Variants in HEMK2 observed in about 807,000 individuals in gnomAD.
HEMK2 encodes HemK methyltransferase 2, ETF1 glutamine and histone H4 lysine, also known as methyltransferase HEMK2.
At chr21:28,761,870 A>G in the HEMK2 span, among the ~76,000 whole-genome samples, 1 of 152,104 alleles carries the variant, frequency 6.6e-6, no homozygotes, top group African/African-American at 2.4e-5. Context: ...AGCAAATTGA[A>G]AAGACGAAGA....
chr21:28,684,402 C>T, the HEMK2 span, among the ~76,000 whole-genome samples: 1 of 152,196 alleles, frequency 6.6e-6, no homozygotes, highest in Non-Finnish European at 1.5e-5. Context: ...GAAAAACAAA[C>T]TTCATTAGTA....
the HEMK2 span, among the ~76,000 whole-genome samples, chr21:28,696,384 C>T: frequency 0.33 from 50,420 of 151,898 alleles, 9,579 homozygotes; most frequent in African/African-American, 0.51. Context: ...TTCAACAGGG[C>T]AGTCTTTAAA....
chr21:28,763,338 G>T, the HEMK2 span, among the ~76,000 whole-genome samples: 3 of 152,274 alleles, frequency 2.0e-5, 1 homozygote, highest in African/African-American at 7.2e-5. Flanking sequence ...TTTTACTTAT[G>T]ATGGAAGCTG....
chr21:28,834,879 TACTTCCTAG>T, the HEMK2 span, among the ~76,000 whole-genome samples: 1 of 152,072 alleles, frequency 6.6e-6, no homozygotes, highest in Non-Finnish European at 1.5e-5. Context: ...GGCTTTCCCC[TACTTCCTAG>T]ACAACCTGCA....
the HEMK2 span, among the ~76,000 whole-genome samples, chr21:28,681,260 GACAA>G: frequency 3.9e-5 from 6 of 152,258 alleles, no homozygotes; most frequent in Admixed American, 2.6e-4. Flanking sequence ...ACCAATAAGA[GACAA>G]ACAGAGAACC....
the HEMK2 span, among the ~76,000 whole-genome samples, chr21:28,841,217 TA>T: frequency 3.2e-3 from 46 of 14,346 alleles, 1 homozygote; most frequent in African/African-American, 0.014. Flanking sequence ...ATATATTATA[TA>T]TATTATATAT....
the HEMK2 span, among the ~76,000 whole-genome samples, chr21:28,879,096 TTTTTTA>T: frequency 1.8e-4 from 9 of 51,080 alleles, no homozygotes; most frequent in African/African-American, 4.2e-4. Context: ...TTTTTTTTTT[TTTTTTA>T]GAGACAGGGT....
At chr21:28,764,824 T>C in the HEMK2 span, among the ~76,000 whole-genome samples, 1 of 152,170 alleles carries the variant, frequency 6.6e-6, no homozygotes, top group Non-Finnish European at 1.5e-5. Flanking sequence ...AAATCATAAA[T>C]GTATAATGAC....
the HEMK2 span, among the ~76,000 whole-genome samples, chr21:28,738,095 A>C: frequency 4.6e-5 from 7 of 152,126 alleles, no homozygotes; most frequent in Non-Finnish European, 8.8e-5. Context: ...AATAGCAACA[A>C]TTTGCCGACA....
chr21:28,683,873 T>C, the HEMK2 span, among the ~76,000 whole-genome samples: 1 of 152,220 alleles, frequency 6.6e-6, no homozygotes, highest in African/African-American at 2.4e-5. Flanking sequence ...CTAACTTTCA[T>C]AATCACTAAC....
chr21:28,656,200 A>G, the HEMK2 span, among the ~76,000 whole-genome samples: 4 of 152,110 alleles, frequency 2.6e-5, no homozygotes, highest in Non-Finnish European at 5.9e-5. Context: ...TTATCTCTAG[A>G]AAGTTCAAGA....
chr21:28,692,190 A>G, the HEMK2 span, among the ~76,000 whole-genome samples: 2 of 152,174 alleles, frequency 1.3e-5, no homozygotes, highest in Non-Finnish European at 2.9e-5. Flanking sequence ...GCAACCCTGG[A>G]CATTCTATGA....
At chr21:28,720,401 GTAT>G in the HEMK2 span, among the ~76,000 whole-genome samples, 1,057 of 152,272 alleles carry the variant, frequency 6.9e-3, 11 homozygotes, top group African/African-American at 0.024. Flanking sequence ...TGGTCCTGGA[GTAT>G]GAATAGGACC....
the HEMK2 span, among the ~76,000 whole-genome samples, chr21:28,696,435 G>A: frequency 2.4e-4 from 36 of 152,136 alleles, no homozygotes; most frequent in Admixed American, 7.2e-4. Context: ...TCCATGTCTC[G>A]CATCCAGGTT....
chr21:28,650,458 T>C, the HEMK2 span, among the ~76,000 whole-genome samples: 8 of 151,730 alleles, frequency 5.3e-5, no homozygotes, highest in Non-Finnish European at 1.2e-4. Context: ...GTATTGGTCA[T>C]GGAAAGGAAT....
the HEMK2 span, among the ~76,000 whole-genome samples, chr21:28,713,916 C>T: frequency 2.0e-5 from 3 of 152,166 alleles, no homozygotes; most frequent in South Asian, 2.1e-4. Context: ...ACATTATATA[C>T]GCATATATAG....
the HEMK2 span, among the ~76,000 whole-genome samples, chr21:28,763,017 C>T: frequency 5.6e-4 from 85 of 152,222 alleles, no homozygotes; most frequent in Admixed American, 3.0e-3. Context: ...AAAAATGGCA[C>T]TGGACTGTGA....
the HEMK2 span, among the ~76,000 whole-genome samples, chr21:28,756,810 T>C: frequency 1.6e-4 from 24 of 152,200 alleles, no homozygotes; most frequent in African/African-American, 5.8e-4. Context: ...CCAACAGCAA[T>C]ATCATGTAAA....
At chr21:28,605,481 T>C in the HEMK2 span, among the ~76,000 whole-genome samples, 1 of 152,238 alleles carries the variant, frequency 6.6e-6, no homozygotes, top group Non-Finnish European at 1.5e-5. Context: ...AAAGCACTTG[T>C]TCTAAATTAA....
Sources: allele counts gnomAD v4.1 joint callset (sites outside exome capture counted in the v4.1 genomes callset), GRCh38; gene constraint gnomAD v4.1.1; transcripts MANE v1.5; gene names NCBI Gene and HGNC (gene_info 2026-07-23, HGNC 2026-07-21).